Variants in XYLT1 observed in about 807,000 individuals in gnomAD.
XYLT1 encodes the protein beta-D-xylosyltransferase 1.
XYLT1 carries 36 observed loss-of-function variants against 91.3 expected under a neutral mutation model. The ratio of observed to expected loss-of-function variants is 0.39; its 90% CI spans 0.30 to 0.52. XYLT1 has a LOEUF of 0.52. Ranked by LOEUF, XYLT1 falls within the 20% of genes least tolerant of loss-of-function variation. XYLT1 has a pLI of 0.68. For missense variants in XYLT1, 1,242 were observed against 1,284.5 expected (o/e 0.97, Z 0.51); for synonymous variants, 588 against 532.0 (o/e 1.11, Z -1.45).
At chr16:17,236,786 G>A (rs928843579) in intron 3 of XYLT1, among the ~76,000 whole-genome samples, 1 of 152,154 alleles carries the variant, frequency 6.6e-6, no homozygotes, top group Non-Finnish European at 1.5e-5. Context: ...CATTCTTCTA[G>A]TGTGCATGTC....
chr16:17,235,649 CT>C (rs1335689331), intron 3 of XYLT1, among the ~76,000 whole-genome samples: 1 of 152,172 alleles, frequency 6.6e-6, no homozygotes, highest in East Asian at 1.9e-4. Context: ...CAAATGCTTT[CT>C]TTGCAGTTCC....
chr16:17,440,188 A>T (rs556183010), intron 1 of XYLT1, among the ~76,000 whole-genome samples: 2 of 152,360 alleles, frequency 1.3e-5, no homozygotes, highest in South Asian at 4.1e-4. Context: ...ACGTAAGTGA[A>T]TTTGGAAGCA....
At chr16:17,324,167 C>T (rs1026031690) in intron 2 of XYLT1, among the ~76,000 whole-genome samples, 1 of 149,132 alleles carries the variant, frequency 6.7e-6, no homozygotes, top group East Asian at 2.0e-4. Flanking sequence ...CCAGAGACAA[C>T]AAGGGAAAAA....
chr16:17,190,922 C>G (rs1335892712), intron 5 of XYLT1, among the ~76,000 whole-genome samples: 6 of 152,176 alleles, frequency 3.9e-5, no homozygotes, highest in Admixed American at 1.3e-4. Flanking sequence ...TTCTTAACAT[C>G]TCTGTGCCTC....
At chr16:17,255,690 TTCTTTCTAAA>T (rs1434557796) in intron 3 of XYLT1, among the ~76,000 whole-genome samples, 1 of 152,186 alleles carries the variant, frequency 6.6e-6, no homozygotes, top group African/African-American at 2.4e-5. Flanking sequence ...AAGGAAGCTT[TTCTTTCTAAA>T]TCTTTCTATT....
At chr16:17,437,375 C>T (rs1288715611) in intron 1 of XYLT1, among the ~76,000 whole-genome samples, 1 of 152,134 alleles carries the variant, frequency 6.6e-6, no homozygotes, top group African/African-American at 2.4e-5. Context: ...ACTTTTCAAA[C>T]CCGGCATCCT....
intron 2 of XYLT1, among the ~76,000 whole-genome samples, chr16:17,357,415 T>C (rs2035317667): frequency 1.3e-5 from 2 of 152,086 alleles, no homozygotes; most frequent in African/African-American, 4.8e-5. Context: ...CCAAGGCCTA[T>C]ACTCATAGCT....
chr16:17,357,199 A>AAAAAC (rs2035312842), intron 2 of XYLT1, among the ~76,000 whole-genome samples: 2 of 147,818 alleles, frequency 1.4e-5, no homozygotes, highest in African/African-American at 2.5e-5. Flanking sequence ...AAAAAAAAAA[A>AAAAAC]CGCTACCACT....
At chr16:17,362,484 C>G (rs1024014733) in intron 1 of XYLT1, among the ~76,000 whole-genome samples, 1 of 152,158 alleles carries the variant, frequency 6.6e-6, no homozygotes, top group Non-Finnish European at 1.5e-5. Context: ...CTGCTATTCC[C>G]AAAGGTAACT....
chr16:17,107,250 G>A lies in XYLT1; in HGVS notation c.*1445C>T, dbSNP rs1201521390. The A allele has an allele frequency of 2.6e-5, 4 of 152,234 alleles. No individual in the cohort carries two copies. Among genetic ancestry groups the A allele is most frequent in the South Asian group, 2.1e-4 (1 of 4,818 alleles). The allele number at this position is 152,234 out of a possible 1,614,324, so 9.4% of individuals were successfully genotyped here. On this transcript the variant is annotated 3_prime_UTR_variant, in exon 12 of 12. Transcript: ENST00000261381. ...CGAAGGGCAGCCCCTTCAAACCCAC[G>A]CTGGAGAGAAGTGTCAGGACTGGCT...
intron 6 of XYLT1, among the ~76,000 whole-genome samples, chr16:17,156,800 C>T (rs1346396622): frequency 2.0e-5 from 3 of 152,174 alleles, no homozygotes; most frequent in African/African-American, 7.2e-5. Context: ...AGAGCATCTT[C>T]AAGTTCGGGT....
At chr16:17,141,517 G>T in intron 6 of XYLT1, 148 bp from the exon 7 acceptor site, 2 of 765,326 alleles carry the variant, frequency 2.6e-6, no homozygotes, top group Non-Finnish European at 4.1e-6. Context: ...GCTCTGCGTG[G>T]AGTTTATCAC....
intron 3 of XYLT1, among the ~76,000 whole-genome samples, chr16:17,206,506 A>G (rs111779435): frequency 3.9e-4 from 60 of 152,068 alleles, no homozygotes; most frequent in South Asian, 2.9e-3. Flanking sequence ...GGGCAAGTCA[A>G]TTTCTTTCCT....
chr16:17,393,768 T>TA (rs543333433), intron 1 of XYLT1, among the ~76,000 whole-genome samples: 4 of 119,780 alleles, frequency 3.3e-5, no homozygotes, highest in South Asian at 2.4e-4. Context: ...ATTAATTAAT[T>TA]ATTATTATTA....
chr16:17,135,257 G>A (rs1174113560), intron 8 of XYLT1, among the ~76,000 whole-genome samples: 1 of 152,174 alleles, frequency 6.6e-6, no homozygotes, highest in Non-Finnish European at 1.5e-5. Context: ...TGTTCCTTTA[G>A]ACAGCACCTA....
chr16:17,305,218 T>C (rs2034453379), intron 2 of XYLT1, among the ~76,000 whole-genome samples: 1 of 152,038 alleles, frequency 6.6e-6, no homozygotes, highest in Non-Finnish European at 1.5e-5. Context: ...TGGGAGTCAT[T>C]CTCCAACTTA....
chr16:17,235,000 G>A (rs1019034589), intron 3 of XYLT1, among the ~76,000 whole-genome samples: 7 of 152,088 alleles, frequency 4.6e-5, no homozygotes, highest in Non-Finnish European at 7.4e-5. Context: ...TTAATTTGGT[G>A]TCATCTGTCT....
chr16:17,441,200 G>A (rs1032409996), intron 1 of XYLT1, among the ~76,000 whole-genome samples: 1 of 151,864 alleles, frequency 6.6e-6, no homozygotes, highest in East Asian at 2.0e-4. Context: ...TCAGCCTCTC[G>A]AGTAGCTGGG....
intron 3 of XYLT1, among the ~76,000 whole-genome samples, chr16:17,215,251 G>C (rs2032833818): frequency 6.6e-6 from 1 of 152,186 alleles, no homozygotes; most frequent in Non-Finnish European, 1.5e-5. Flanking sequence ...AGCTACTCAG[G>C]AGGCTGAGGC....
Sources: allele counts gnomAD v4.1 joint callset (sites outside exome capture counted in the v4.1 genomes callset), GRCh38; gene constraint gnomAD v4.1.1; transcripts MANE v1.5; gene names NCBI Gene and HGNC (gene_info 2026-07-23, HGNC 2026-07-21).